FAM53B: variants seen among roughly 807,000 people sequenced by gnomAD.
FAM53B encodes the protein family with sequence similarity 53 member B.
A neutral mutation model predicts 32.7 loss-of-function variants in FAM53B; 12 were observed. The ratio of observed to expected loss-of-function variants is 0.37; its 90% CI spans 0.24 to 0.59. FAM53B has a LOEUF of 0.59. Ranked by LOEUF, FAM53B falls within the 20% of genes least tolerant of loss-of-function variation. The pLI, the probability that FAM53B is intolerant of heterozygous loss-of-function variation, is 0.72. For synonymous variants in FAM53B, 234 were observed against 228.7 expected, an observed-to-expected ratio of 1.02 and a Z score of -0.21; for missense variants, 477 against 577.7, an observed-to-expected ratio of 0.83 and a Z score of 1.79.
intron 3 of FAM53B, among the ~76,000 whole-genome samples, chr10:124,689,803 A>C (rs1243286878): frequency 6.6e-6 from 1 of 152,196 alleles, no homozygotes; most frequent in Non-Finnish European, 1.5e-5. Context: ...CACAGTTAAA[A>C]ACCACACCAG....
chr10:124,699,884 T>C (rs888193704), intron 2 of FAM53B, among the ~76,000 whole-genome samples: 2 of 152,338 alleles, frequency 1.3e-5, no homozygotes, highest in African/African-American at 4.8e-5. Context: ...GCTCCCACCC[T>C]GCCCTTTCTG....
At chr10:124,688,730 C>T (rs1949816499) in intron 3 of FAM53B, among the ~76,000 whole-genome samples, 1 of 152,202 alleles carries the variant, frequency 6.6e-6, no homozygotes, top group Non-Finnish European at 1.5e-5. Context: ...GCTGTGTGCA[C>T]AGATCCTAGA....
intron 2 of FAM53B, among the ~76,000 whole-genome samples, chr10:124,704,728 G>T (rs1031445682): frequency 1.3e-5 from 2 of 152,206 alleles, no homozygotes; most frequent in African/African-American, 4.8e-5. Flanking sequence ...TAAGGGCTGG[G>T]TGTTTGCTAA....
intron 2 of FAM53B, among the ~76,000 whole-genome samples, chr10:124,698,501 T>C (rs552602574): frequency 2.6e-4 from 39 of 152,150 alleles, no homozygotes; most frequent in Non-Finnish European, 4.4e-4. Flanking sequence ...CTGCCAGAGA[T>C]GCTGGGGTCT....
chr10:124,741,028 ATTCTC>A (rs1950196506), intron 1 of FAM53B, among the ~76,000 whole-genome samples: 1 of 152,248 alleles, frequency 6.6e-6, no homozygotes, highest in African/African-American at 2.4e-5. Flanking sequence ...TGAGCTCGGG[ATTCTC>A]CCCTAAAGTT....
At chr10:124,634,683 A>C (rs979024462) in intron 4 of FAM53B, among the ~76,000 whole-genome samples, 2 of 152,188 alleles carry the variant, frequency 1.3e-5, no homozygotes, top group Non-Finnish European at 2.9e-5. Flanking sequence ...ACCCAGTCTC[A>C]AGTATTTCCT....
At chr10:124,665,189 A>G (rs1184153415) in intron 4 of FAM53B, among the ~76,000 whole-genome samples, 2 of 152,086 alleles carry the variant, frequency 1.3e-5, no homozygotes, top group Non-Finnish European at 2.9e-5. Context: ...CCCTTTCTCC[A>G]CTGAAGGGTA....
intron 4 of FAM53B, among the ~76,000 whole-genome samples, chr10:124,657,162 GTATATATATA>G (rs1329378044): frequency 0.011 from 695 of 62,210 alleles, 6 homozygotes; most frequent in South Asian, 0.025. Context: ...ATATATGTGT[GTATATATATA>G]TGTACATATA....
At chr10:124,701,074 C>CATA (rs1178320977) in intron 2 of FAM53B, among the ~76,000 whole-genome samples, 1 of 152,232 alleles carries the variant, frequency 6.6e-6, no homozygotes, top group South Asian at 2.1e-4. Context: ...CATGGGCAGG[C>CATA]CCCTTGGTAT....
chr10:124,641,965 G>A (rs964470427), intron 4 of FAM53B, among the ~76,000 whole-genome samples: 7 of 152,232 alleles, frequency 4.6e-5, no homozygotes, highest in African/African-American at 1.7e-4. Context: ...GAGAGGCTGA[G>A]GAACCTGCTA....
At chr10:124,656,913 T>C (rs952455383) in intron 4 of FAM53B, among the ~76,000 whole-genome samples, 1 of 151,568 alleles carries the variant, frequency 6.6e-6, no homozygotes, top group Non-Finnish European at 1.5e-5. Flanking sequence ...AGGGGAGGGA[T>C]AGCATTAGGA....
At chr10:124,645,881 G>A (rs559877525) in intron 4 of FAM53B, among the ~76,000 whole-genome samples, 2 of 152,274 alleles carry the variant, frequency 1.3e-5, no homozygotes, top group African/African-American at 2.4e-5. Flanking sequence ...GTGTCTACAG[G>A]TAACAGGATG....
At position 124,681,729 on chromosome 10, in the gene FAM53B, C is replaced by T. The variant is rs765399560; in HGVS notation, c.784G>A (p.Gly262Ser). 8 of 1,610,588 alleles carry T rather than the reference C, an allele frequency of 5.0e-6. No homozygotes were observed. The highest frequency in any genetic ancestry group is 1.6e-4 in the Middle Eastern group (1 of 6,074). Residue 262 changes from glycine to serine, a missense_variant, in exon 4 of 5, where the codon GGC (glycine) becomes AGC (serine). Transcript: ENST00000337318. Reference sequence around the variant, plus strand: ...GGCTGGGAGCGGCTGCGGGAAAGGCCGCTGGAGCGTCTCGCCAGCTCTGGT... The same window carrying T: ...GGCTGGGAGCGGCTGCGGGAAAGGCTGCTGGAGCGTCTCGCCAGCTCTGGT... ...STPELARRSS[G>S]LSRSRSQPCV... is the part of the protein sequence containing the mutation.
chr10:124,735,552 G>A (rs1234537031), intron 1 of FAM53B, among the ~76,000 whole-genome samples: 3 of 152,186 alleles, frequency 2.0e-5, no homozygotes, highest in African/African-American at 4.8e-5. Context: ...AGCCTGACCC[G>A]TCCAGCCAAG....
chr10:124,724,228 AG>A (rs1297761606), intron 1 of FAM53B, among the ~76,000 whole-genome samples: 1 of 152,160 alleles, frequency 6.6e-6, no homozygotes, highest in Non-Finnish European at 1.5e-5. Context: ...AGATGGGGTG[AG>A]GGTATTCTAT....
At chr10:124,669,727 T>A (rs916732295) in intron 4 of FAM53B, among the ~76,000 whole-genome samples, 1 of 152,056 alleles carries the variant, frequency 6.6e-6, no homozygotes, top group Non-Finnish European at 1.5e-5. Flanking sequence ...TATGGAGACA[T>A]GGGGGCCCAC....
chr10:124,623,673 C>T, intron 4 of FAM53B, 69 bp from the exon 5 acceptor site: 1 of 1,490,742 alleles, frequency 6.7e-7, no homozygotes, highest in East Asian at 2.3e-5. Flanking sequence ...CTGCACACCC[C>T]ACAAAGCAAC....
intron 1 of FAM53B, among the ~76,000 whole-genome samples, chr10:124,729,872 T>C (rs1950129919): frequency 1.3e-5 from 2 of 152,218 alleles, no homozygotes; most frequent in Non-Finnish European, 2.9e-5. Flanking sequence ...ACGCCCTCCA[T>C]ATTTGCCTTC....
At chr10:124,736,402 A>T (rs1024578982) in intron 1 of FAM53B, among the ~76,000 whole-genome samples, 1 of 152,252 alleles carries the variant, frequency 6.6e-6, no homozygotes, top group Non-Finnish European at 1.5e-5. Context: ...GGAGACTCAA[A>T]ACCACAGACC....
Sources: gnomAD v4.1 joint callset for allele counts (sites outside exome capture counted in the v4.1 genomes callset) on GRCh38, gnomAD v4.1.1 for gene constraint, MANE v1.5 for transcripts, NCBI Gene and HGNC (gene_info 2026-07-23, HGNC 2026-07-21) for gene names.